Variants in NBEA observed in about 807,000 individuals in gnomAD.
NBEA encodes the protein lysosomal-trafficking regulator 2.
Under a neutral mutation model 343.4 loss-of-function variants are expected in NBEA, and 44 were observed. That is an observed-to-expected ratio of 0.13 (90% CI 0.10 to 0.16). The LOEUF (loss-of-function observed/expected upper bound fraction) is 0.16, where lower values mean the gene tolerates loss of function less well. NBEA is among the 10% of genes least tolerant of loss of function. The pLI is 1.00. For synonymous variants in NBEA, 1,175 were observed against 1,238.7 expected (o/e 0.95, Z 1.08); for missense variants, 2,555 against 3,631.3 (o/e 0.70, Z 7.62).
intron 21 of NBEA, 32 bp downstream of exon 21, chr13:35,157,302 A>G (rs2069235281): frequency 1.1e-5 from 16 of 1,467,194 alleles, no homozygotes; most frequent in South Asian, 3.0e-5. Flanking sequence ...TAACATCATC[A>G]GAGTTATTGC....
intron 38 of NBEA, among the ~76,000 whole-genome samples, chr13:35,404,175 C>T (rs2043141447): frequency 6.6e-6 from 1 of 152,092 alleles, no homozygotes; most frequent in African/African-American, 2.4e-5. Context: ...CTAGTTCAAC[C>T]ATTGTGGAAG....
At chr13:35,008,329 A>G (rs1448557882) in intron 1 of NBEA, among the ~76,000 whole-genome samples, 2 of 152,164 alleles carry the variant, frequency 1.3e-5, no homozygotes, top group Non-Finnish European at 2.9e-5. Context: ...GGATGCTCTA[A>G]TCCCTTAAGG....
intron 18 of NBEA, among the ~76,000 whole-genome samples, chr13:35,154,208 T>C (rs2152706608): frequency 6.6e-6 from 1 of 152,312 alleles, no homozygotes; most frequent in East Asian, 1.9e-4. Context: ...AAATGTCCTG[T>C]CTTAGTCTGA....
chr13:35,530,970 C>T (rs181783013), intron 41 of NBEA, among the ~76,000 whole-genome samples: 2 of 152,030 alleles, frequency 1.3e-5, no homozygotes, highest in Non-Finnish European at 2.9e-5. Context: ...TCATAGGCTT[C>T]GACGTCAGAA....
chr13:34,963,012 C>G (rs927893600), intron 1 of NBEA, among the ~76,000 whole-genome samples: 1 of 152,010 alleles, frequency 6.6e-6, no homozygotes, highest in African/African-American at 2.4e-5. Context: ...AGAGAAATTA[C>G]TGATTTAATG....
At chr13:35,453,435 G>A (rs528242629) in intron 40 of NBEA, among the ~76,000 whole-genome samples, 22 of 152,240 alleles carry the variant, frequency 1.4e-4, no homozygotes, top group Admixed American at 2.6e-4. Context: ...TGCTTTCGTT[G>A]TTTTTGTGGT....
intron 47 of NBEA, among the ~76,000 whole-genome samples, chr13:35,599,284 G>C (rs2081947960): frequency 6.6e-6 from 1 of 151,976 alleles, no homozygotes; most frequent in South Asian, 2.1e-4. Context: ...TTTCTGTTTT[G>C]GTCATTTATG....
intron 6 of NBEA, among the ~76,000 whole-genome samples, chr13:35,050,738 T>G (rs1192660410): frequency 6.6e-6 from 1 of 152,004 alleles, no homozygotes; most frequent in East Asian, 1.9e-4. Context: ...AAAAGTTAAA[T>G]GTTAAACCCC....
chr13:35,137,908 T>C (rs1356538471), intron 17 of NBEA, among the ~76,000 whole-genome samples: 1 of 152,056 alleles, frequency 6.6e-6, no homozygotes, highest in Non-Finnish European at 1.5e-5. Flanking sequence ...TAGATTTTAT[T>C]CAAGAAAATT....
At chr13:34,949,633 C>T (rs1029374366) in intron 1 of NBEA, among the ~76,000 whole-genome samples, 1 of 152,142 alleles carries the variant, frequency 6.6e-6, no homozygotes, top group African/African-American at 2.4e-5. Flanking sequence ...ATGGTTTATG[C>T]TTTGAAATTA....
At chr13:34,964,318 A>G (rs1245151861) in intron 1 of NBEA, among the ~76,000 whole-genome samples, 1 of 152,022 alleles carries the variant, frequency 6.6e-6, no homozygotes, top group Non-Finnish European at 1.5e-5. Flanking sequence ...TTACCCAGGC[A>G]CAAAATCACT....
At chr13:35,332,110 C>A (rs1403823097) in intron 36 of NBEA, among the ~76,000 whole-genome samples, 1 of 152,014 alleles carries the variant, frequency 6.6e-6, no homozygotes, top group African/African-American at 2.4e-5. Context: ...TTTCATACTT[C>A]ATGACAGGTA....
chr13:35,398,508 A>G (rs1240650023), intron 38 of NBEA, among the ~76,000 whole-genome samples: 3 of 152,180 alleles, frequency 2.0e-5, no homozygotes, highest in African/African-American at 7.2e-5. Flanking sequence ...TCCTTGATGC[A>G]TGGGCTACAG....
intron 1 of NBEA, among the ~76,000 whole-genome samples, chr13:35,037,238 AT>A (rs1208549329): frequency 6.6e-6 from 1 of 152,136 alleles, no homozygotes; most frequent in African/African-American, 2.4e-5. Flanking sequence ...TTTCTGCTTG[AT>A]TTTTAAAAAT....
intron 1 of NBEA, among the ~76,000 whole-genome samples, chr13:34,986,009 A>G (rs2060531670): frequency 6.7e-6 from 1 of 149,760 alleles, no homozygotes; most frequent in Non-Finnish European, 1.5e-5. Context: ...TGGTTTTTTG[A>G]AGGGTTTTTT....
intron 32 of NBEA, among the ~76,000 whole-genome samples, chr13:35,209,606 G>A (rs1295179057): frequency 6.6e-6 from 1 of 151,936 alleles, no homozygotes; most frequent in African/African-American, 2.4e-5. Flanking sequence ...TACAGCGCAA[G>A]ATGATCCCTG....
intron 41 of NBEA, among the ~76,000 whole-genome samples, chr13:35,490,378 T>G (rs77993159): frequency 1.4e-4 from 22 of 152,046 alleles, no homozygotes; most frequent in African/African-American, 4.8e-4. Context: ...AGTACCACTT[T>G]ATTAGTTAGA....
chr13:35,166,168 A>G (rs1016921117), intron 24 of NBEA, among the ~76,000 whole-genome samples: 2 of 152,184 alleles, frequency 1.3e-5, no homozygotes, highest in African/African-American at 4.8e-5. Flanking sequence ...TTTTGCATGG[A>G]ACATAAAATG....
intron 41 of NBEA, among the ~76,000 whole-genome samples, chr13:35,500,244 G>A (rs1282576532): frequency 6.6e-6 from 1 of 151,992 alleles, no homozygotes; most frequent in African/African-American, 2.4e-5. Flanking sequence ...CTTTCCACTC[G>A]GAGCCTGCTT....
Sources: gnomAD v4.1 joint callset for allele counts (sites outside exome capture counted in the v4.1 genomes callset) on GRCh38, gnomAD v4.1.1 for gene constraint, MANE v1.5 for transcripts, NCBI Gene and HGNC (gene_info 2026-07-23, HGNC 2026-07-21) for gene names.